The following ACOT8 variants were observed in gnomAD, a reference collection of about 807,000 sequenced individuals.
ACOT8 encodes the protein acyl-coenzyme A thioesterase 8.
Under a neutral mutation model 38.4 loss-of-function variants are expected in ACOT8, and 31 were observed. The observed-to-expected ratio is 0.81, with a 90% CI of 0.61 to 1.09. ACOT8 has a LOEUF of 1.09. Among genes scored for constraint, ACOT8 ranks in the 50% least tolerant of loss-of-function variants. The pLI is 0.00. For missense variants in ACOT8, 373 were observed against 421.8 expected, an observed-to-expected ratio of 0.88 and a Z score of 1.01; for synonymous variants, 158 against 170.3, an observed-to-expected ratio of 0.93 and a Z score of 0.56.
At chr20:45,847,070 C>G (rs1984730956) in intron 3 of ACOT8, among the ~76,000 whole-genome samples, 1 of 152,070 alleles carries the variant, frequency 6.6e-6, no homozygotes, top group Admixed American at 6.6e-5. Context: ...ATTAGCCAGG[C>G]ATGGTGGCAT....
At chr20:45,842,796 A>G in intron 5 of ACOT8, 1 of 990,234 alleles carries the variant, frequency 1.0e-6, no homozygotes. Context: ...CAAGGTTATC[A>G]ATCTTGGATT....
In ACOT8 at chr20:45,843,609, G is replaced by C. The variant is rs757171467; in HGVS notation, c.759C>G (p.Val253=). 6.2e-7 allele frequency: 1 copy of C among 1,613,900 alleles called. No individual in the cohort carries two copies. The highest frequency in any genetic ancestry group is 8.5e-7 in the Non-Finnish European group (1 of 1,179,806). The change falls in exon 5 of 6, where the codon GTC becomes GTG. Residue 253 remains valine, a synonymous_variant. Coordinates refer to ENST00000217455, the MANE Select transcript of ACOT8 (RefSeq NM_005469.4). Reference sequence around the variant, plus strand: ...GGAACCACATGGAATGGTCCAGTGAGACCATGAAGTGCACCTTGTGCTGCC... The same window carrying C: ...GGAACCACATGGAATGGTCCAGTGACACCATGAAGTGCACCTTGTGCTGCC... The part of the protein sequence containing the change: ...HQWQHKVHFM[V]SLDHSMWFHA...
Position 45,855,271 on chromosome 20 carries a change from C to G in ACOT8, c.150G>C (p.Pro50=), listed in dbSNP as rs755151117. The part of the protein sequence containing the change: ...DLFRGRHYWV[P]AKRLFGGQIV... ...TCTGACCACCAAACAGCCTCTTGGC[C>G]GGTACCCAGTAATGCCTTCCTCTGT... Residue 50 remains proline, a synonymous_variant, in exon 2 of 6, where the codon CCG becomes CCC. Coordinates refer to ENST00000217455, the MANE Select transcript of ACOT8 (RefSeq NM_005469.4). 1.9e-6 allele frequency: 3 copies of G among 1,614,092 alleles called. No individual in the cohort carries two copies. Among genetic ancestry groups the G allele is most frequent in the African/African-American group, 1.3e-5 (1 of 75,030 alleles).
At chr20:45,850,158 G>A (rs1984970272) in intron 2 of ACOT8, among the ~76,000 whole-genome samples, 1 of 152,140 alleles carries the variant, frequency 6.6e-6, no homozygotes, top group East Asian at 1.9e-4. Flanking sequence ...TATGGCAGGA[G>A]AACTGCTTGA....
intron 2 of ACOT8, among the ~76,000 whole-genome samples, chr20:45,849,531 A>T (rs1210916478): frequency 6.6e-6 from 1 of 151,474 alleles, no homozygotes; most frequent in Non-Finnish European, 1.5e-5. Flanking sequence ...GCTCACTGCA[A>T]CCTCTGCCTC....
At chr20:45,843,974 T>C in intron 4 of ACOT8, 1 of 815,494 alleles carries the variant, frequency 1.2e-6, no homozygotes, top group East Asian at 2.7e-5. Flanking sequence ...GGGTGTCTTC[T>C]TCCAATTTGC....
intron 2 of ACOT8, among the ~76,000 whole-genome samples, chr20:45,850,411 C>G (rs1852001406): frequency 1.3e-5 from 2 of 152,198 alleles, no homozygotes; most frequent in African/African-American, 4.8e-5. Flanking sequence ...ATTTGGCTTG[C>G]TGGACTGGTT....
Position 45,855,277 on chromosome 20 carries a change from C to A in ACOT8, c.144G>T (p.Trp48Cys). The change falls in exon 2 of 6, where the codon TGG (tryptophan) becomes TGT (cysteine). Residue 48 changes from tryptophan (W) to cysteine (C), a missense_variant. Transcript: ENST00000217455. ...CACCAAACAGCCTCTTGGCCGGTAC[C>A]CAGTAATGCCTTCCTCTGTAGGGAG... ...DEDLFRGRHY[W>C]VPAKRLFGGQ... 1.2e-6 allele frequency: 2 copies of A among 1,614,128 alleles called. No individual in the cohort carries two copies. The highest frequency in any genetic ancestry group is 2.2e-5 in the South Asian group (2 of 91,088).
chr20:45,849,642 G>A (rs906428073), intron 2 of ACOT8, among the ~76,000 whole-genome samples: 8 of 151,956 alleles, frequency 5.3e-5, no homozygotes, highest in Admixed American at 5.2e-4. Context: ...GTAGAGATGG[G>A]GTTTCACTGT....
Position 45,848,578 on chromosome 20 carries a change from G to A in ACOT8, c.360C>T (p.Pro120=). ...RSVKAVQHGK[P]IFICQASFQQ... ...GGAAGGAGGCCTGGCAGATGAAGATGGGCTTCCCATGTTGCACGGCCTTCA... is the reference window on the plus strand; with the variant it reads ...GGAAGGAGGCCTGGCAGATGAAGATAGGCTTCCCATGTTGCACGGCCTTCA... Residue 120 remains proline, a synonymous_variant, in exon 3 of 6, where the codon CCC becomes CCT. Coordinates refer to ENST00000217455, the MANE Select transcript of ACOT8 (RefSeq NM_005469.4). 6.2e-7 allele frequency: 1 copy of A among 1,614,118 alleles called. No homozygotes were observed. Among genetic ancestry groups the A allele is most frequent in the Non-Finnish European group, 8.5e-7 (1 of 1,180,030 alleles).
chr20:45,843,755 G>A (rs1212000906), intron 4 of ACOT8, 34 bp from the exon 5 acceptor site: 1 of 1,600,660 alleles, frequency 6.2e-7, no homozygotes, highest in Non-Finnish European at 8.5e-7. Context: ...TGGGCTCCTG[G>A]GCTTTCCAGC....
intron 2 of ACOT8, chr20:45,853,419 G>C (rs1313028830): frequency 6.5e-6 from 1 of 153,954 alleles, no homozygotes; most frequent in African/African-American, 2.4e-5. Context: ...ACACAACTAT[G>C]CTCTGTATCA....
At position 45,844,342 on chromosome 20, in the gene ACOT8, T is replaced by C; in HGVS notation, c.567A>G (p.Pro189=). ...AAQEVPIEIK[P]VNPSPLSQLQ... is the part of the protein sequence containing the mutation. The stretch of plus-strand genomic sequence containing the variant: ...GCTGGCTCAGGGGGGATGGGTTTAC[T>C]GGCTTGATCTCAATGGGGACCTCCT... Residue 189 remains proline, a synonymous_variant, in exon 4 of 6, where the codon CCA becomes CCG. Coordinates refer to ENST00000217455, the MANE Select transcript of ACOT8 (RefSeq NM_005469.4). 1 of 1,614,196 alleles carries C rather than the reference T, an allele frequency of 6.2e-7. No homozygotes were observed. The highest frequency in any genetic ancestry group is 8.5e-7 in the Non-Finnish European group (1 of 1,180,018).
At chr20:45,842,202 C>T (rs1275343381) in intron 5 of ACOT8, 5 of 1,467,096 alleles carry the variant, frequency 3.4e-6, no homozygotes, top group Non-Finnish European at 3.6e-6. Context: ...CAAGGGTGCA[C>T]TGAGTGTCGT....
In ACOT8 at chr20:45,844,279, T is replaced by C; in HGVS notation, c.630A>G (p.Arg210=). 1 of 1,614,136 alleles carries C rather than the reference T, an allele frequency of 6.2e-7. No individual in the cohort carries two copies. Among genetic ancestry groups the C allele is most frequent in the Non-Finnish European group, 8.5e-7 (1 of 1,180,030 alleles). ...TACTCTTACCAATATAGCCCCGGGC[T>C]CGCACCCAGAACATCTGTTTGGGCT... ...RMEPKQMFWV[R]ARGYIGEGDM... The change falls in exon 4 of 6, where the codon CGA becomes CGG. Residue 210 remains arginine (R), a synonymous_variant. Coordinates refer to ENST00000217455, the MANE Select transcript of ACOT8 (RefSeq NM_005469.4).
chr20:45,857,132 T>G, intron 1 of ACOT8, 56 bp downstream of exon 1: 1 of 1,568,584 alleles, frequency 6.4e-7, no homozygotes, highest in Admixed American at 1.8e-5. Flanking sequence ...GCGGCGGCAG[T>G]CAAGATCAAG....
At position 45,857,328 on chromosome 20, in the gene ACOT8, T is replaced by C. The variant is rs940827492; in HGVS notation, c.-13A>G. ...GCGGGGACGACATCTAGTTCAATGC[T>C]GCAGGCCCTGCACACCCGCTCCGCG... On this transcript the variant is annotated 5_prime_UTR_variant, in exon 1 of 6. Coordinates refer to ENST00000217455, the MANE Select transcript of ACOT8 (RefSeq NM_005469.4). The C allele has an allele frequency of 1.0e-5, 16 of 1,589,382 alleles. No individual in the cohort carries two copies. The African/African-American group carries it at 1.9e-4, about 19-fold the overall frequency.
Position 45,844,325 on chromosome 20 carries a change from A to G in ACOT8, c.584T>C (p.Leu195Pro). 1 of 1,613,942 alleles carries G rather than the reference A, an allele frequency of 6.2e-7. No homozygotes were observed. Among genetic ancestry groups the G allele is most frequent in the African/African-American group, 1.3e-5 (1 of 75,026 alleles). Residue 195 changes from leucine to proline, a missense_variant, in exon 4 of 6, where the codon CTG (leucine) becomes CCG (proline). Physicochemically the swap from Leu to Pro is moderately conservative, Grantham distance 98. Coordinates refer to ENST00000217455, the MANE Select transcript of ACOT8 (RefSeq NM_005469.4). ...GGGCTCCATTCTCTGCAGCTGGCTCAGGGGGGATGGGTTTACTGGCTTGAT... is the reference window on the plus strand; with the variant it reads ...GGGCTCCATTCTCTGCAGCTGGCTCGGGGGGGATGGGTTTACTGGCTTGAT... ...IEIKPVNPSP[L>P]SQLQRMEPKQ... is the part of the protein sequence containing the mutation.
At chr20:45,853,898 G>A in intron 2 of ACOT8, 1 of 1,296,708 alleles carries the variant, frequency 7.7e-7, no homozygotes, top group Non-Finnish European at 1.0e-6. Flanking sequence ...GAAACCCCAT[G>A]GTTTTCTTAA....
Sources: allele counts gnomAD v4.1 joint callset (sites outside exome capture counted in the v4.1 genomes callset), GRCh38; gene constraint gnomAD v4.1.1; transcripts MANE v1.5; gene names NCBI Gene and HGNC (gene_info 2026-07-23, HGNC 2026-07-21).